CDH1: variants seen among roughly 807,000 people sequenced by gnomAD.
CDH1 encodes cadherin 1, also known as cadherin-1.
In CDH1, 35 loss-of-function variants were observed where a neutral mutation model predicts 84.5. The observed-to-expected ratio is 0.41, with a 90% CI of 0.32 to 0.55. The LOEUF is 0.55. Ranked by LOEUF, CDH1 falls within the 20% of genes least tolerant of loss-of-function variation. CDH1 has a pLI of 0.19. For missense variants in CDH1, 994 were observed against 1,126.6 expected (o/e 0.88, Z 1.68); for synonymous variants, 417 against 439.0 (o/e 0.95, Z 0.63).
rs575840084 is a variant in CDH1 at position 68,780,976 on chromosome 16, G to A, written c.164-20694G>A. Among the ~76,000 whole-genome samples, 8 of 152,274 alleles carry A rather than the reference G, an allele frequency of 5.3e-5. No homozygotes were observed. The South Asian group carries it at 8.3e-4, about 16-fold the overall frequency. On this transcript the variant is annotated intron_variant, in intron 2 of 15. Coordinates refer to ENST00000261769, the MANE Select transcript of CDH1 (RefSeq NM_004360.5). ...GCGGCTACTGTGTAGAGAAGACGCC[G>A]TAGCAACCTGGGCCAGAATTGGGAA...
At chr16:68,790,705 C>T (rs1383765978) in intron 2 of CDH1, among the ~76,000 whole-genome samples, 2 of 152,094 alleles carry the variant, frequency 1.3e-5, no homozygotes, top group South Asian at 2.1e-4. Context: ...GTTTTTCTCC[C>T]CTCTTCTTGA....
At chr16:68,737,555 T>G in intron 1 of CDH1, 92 bp downstream of exon 1, 2 of 1,079,130 alleles carry the variant, frequency 1.9e-6, no homozygotes, top group Non-Finnish European at 2.7e-6. Context: ...TCGTCACCGC[T>G]TCCCTTCTTC....
chr16:68,834,263 A>T lies in CDH1; in HGVS notation c.*764A>T, dbSNP rs1044143018. The T allele has an allele frequency of 3.3e-5, 17 of 509,156 alleles. No individual in the cohort carries two copies. Among genetic ancestry groups the T allele is most frequent in the African/African-American group, 2.3e-4 (12 of 52,176 alleles). 31.5% of individuals were successfully genotyped at this position (509,156 alleles called of 1,614,324 possible). A position where few individuals can be genotyped will look rare whatever the true frequency, so the allele number is the denominator to read the frequency against. On this transcript the variant is annotated 3_prime_UTR_variant, in exon 16 of 16. Coordinates refer to ENST00000261769, the MANE Select transcript of CDH1 (RefSeq NM_004360.5). ...GCCACTGCACCTGCCCAGCTCCCCA[A>T]CTCCCTGCCATTTTTTAAGAGACAG...
chr16:68,785,789 AATTGATTTAAACTAATCCTCT>A (rs1396947582), intron 2 of CDH1, among the ~76,000 whole-genome samples: 1 of 151,866 alleles, frequency 6.6e-6, no homozygotes, highest in Non-Finnish European at 1.5e-5. Context: ...GAAATTCTAT[AATTGATTTAAACTAATCCTCT>A]ATTGATGGCT....
intron 2 of CDH1, among the ~76,000 whole-genome samples, chr16:68,789,314 G>A (rs1458674375): frequency 1.3e-5 from 2 of 152,046 alleles, no homozygotes; most frequent in African/African-American, 2.4e-5. Context: ...TTATAGGTGT[G>A]AGCCACCGCA....
intron 2 of CDH1, among the ~76,000 whole-genome samples, chr16:68,795,178 G>A (rs1404521834): frequency 6.6e-6 from 1 of 152,128 alleles, no homozygotes; most frequent in African/African-American, 2.4e-5. Flanking sequence ...AATCCCCAGT[G>A]TCATCTAAGA....
At chr16:68,777,631 C>T (rs556337926) in intron 2 of CDH1, among the ~76,000 whole-genome samples, 1 of 149,828 alleles carries the variant, frequency 6.7e-6, no homozygotes, top group Non-Finnish European at 1.5e-5. Flanking sequence ...GCAGCCTCGA[C>T]CTCCCAGGCT....
At chr16:68,759,365 C>T (rs1026897246) in intron 2 of CDH1, among the ~76,000 whole-genome samples, 4 of 152,118 alleles carry the variant, frequency 2.6e-5, no homozygotes, top group African/African-American at 7.2e-5. Flanking sequence ...ATACAATGAC[C>T]ACAATAGTCG....
chr16:68,824,765 A>G (rs1280255085), intron 13 of CDH1, among the ~76,000 whole-genome samples: 2 of 152,238 alleles, frequency 1.3e-5, no homozygotes, highest in Non-Finnish European at 2.9e-5. Flanking sequence ...TGGTCAAGGT[A>G]AATACTTTTA....
intron 2 of CDH1, among the ~76,000 whole-genome samples, chr16:68,752,625 T>C (rs1244071593): frequency 6.6e-6 from 1 of 152,136 alleles, no homozygotes; most frequent in Admixed American, 6.5e-5. Context: ...CTTTATGTAT[T>C]AGCCACAGAG....
Position 68,767,147 on chromosome 16 carries a change from C to A in CDH1, c.163+28736C>A, listed in dbSNP as rs144673841. 6.0e-5 allele frequency among the ~76,000 whole-genome samples: 9 copies of A among 149,748 alleles called. No individual in the cohort carries two copies. In the East Asian group the frequency reaches 1.9e-3, roughly 32 times the overall value. ...GGGTCGTTTTATTTTCATAATAGAA[C>A]ACGATGAACCAGACCATCCCTGCTC... On this transcript the variant is annotated intron_variant, in intron 2 of 15. Coordinates refer to ENST00000261769, the MANE Select transcript of CDH1 (RefSeq NM_004360.5).
chr16:68,791,006 C>T (rs1960192092), intron 2 of CDH1, among the ~76,000 whole-genome samples: 1 of 152,188 alleles, frequency 6.6e-6, no homozygotes, highest in African/African-American at 2.4e-5. Flanking sequence ...GGCAATGAGG[C>T]AATCTGGCCC....
intron 2 of CDH1, among the ~76,000 whole-genome samples, chr16:68,761,716 G>C (rs953296340): frequency 6.6e-6 from 1 of 152,116 alleles, no homozygotes. Context: ...AAAGACCCAA[G>C]AGAGGTGAAG....
At position 68,833,702 on chromosome 16, in the gene CDH1, T is replaced by A; in HGVS notation, c.*203T>A. The A allele has an allele frequency of 1.7e-6, 1 of 582,002 alleles. No homozygotes were observed. Among genetic ancestry groups the A allele is most frequent in the East Asian group, 2.9e-5 (1 of 34,918 alleles). 36.1% of individuals were successfully genotyped at this position (582,002 alleles called of 1,614,324 possible). On this transcript the variant is annotated 3_prime_UTR_variant, in exon 16 of 16. Transcript: ENST00000261769. The stretch of plus-strand genomic sequence containing the variant: ...TGTTAGAAAAGTTTCGACTTATTTC[T>A]TAAAGCTTTTTTTTTTTTCCCATCA...
intron 13 of CDH1, among the ~76,000 whole-genome samples, chr16:68,827,213 G>T (rs1329983125): frequency 6.6e-6 from 1 of 152,222 alleles, no homozygotes; most frequent in Admixed American, 6.5e-5. Flanking sequence ...GGTGGTTTCA[G>T]TGAGCTGAGA....
chr16:68,748,604 A>AT (rs556056371), intron 2 of CDH1, among the ~76,000 whole-genome samples: 1 of 152,124 alleles, frequency 6.6e-6, no homozygotes, highest in East Asian at 1.9e-4. Flanking sequence ...TGGGATATAC[A>AT]TTTTTTTTCT....
At chr16:68,787,983 G>A (rs921261926) in intron 2 of CDH1, among the ~76,000 whole-genome samples, 6 of 151,922 alleles carry the variant, frequency 3.9e-5, no homozygotes, top group Non-Finnish European at 8.8e-5. Context: ...GTGCCACCAC[G>A]CCCCGCTAAT....
intron 2 of CDH1, among the ~76,000 whole-genome samples, chr16:68,783,010 A>T (rs1237882324): frequency 6.6e-6 from 1 of 152,158 alleles, no homozygotes; most frequent in Non-Finnish European, 1.5e-5. Flanking sequence ...AACACAACTG[A>T]AATCTGGTTT....
intron 13 of CDH1, 57 bp downstream of exon 13, chr16:68,823,683 T>G: frequency 8.6e-7 from 1 of 1,164,940 alleles, no homozygotes; most frequent in Non-Finnish European, 1.3e-6. Flanking sequence ...AGGAGGTTTA[T>G]TTCCTGGAAA....
Sources: allele counts gnomAD v4.1 joint callset (sites outside exome capture counted in the v4.1 genomes callset), GRCh38; gene constraint gnomAD v4.1.1; transcripts MANE v1.5; gene names NCBI Gene and HGNC (gene_info 2026-07-23, HGNC 2026-07-21).